DCHS2: variants seen among roughly 807,000 people sequenced by gnomAD.
The protein encoded by DCHS2 is dachsous cadherin-related 2, also known as protocadherin-23.
In DCHS2, 142 loss-of-function variants were observed where a neutral mutation model predicts 182.4. The ratio of observed to expected loss-of-function variants is 0.78; its 90% CI spans 0.68 to 0.89. The LOEUF is 0.89. Among genes scored for constraint, DCHS2 ranks in the 40% least tolerant of loss-of-function variants. The pLI, the probability that DCHS2 is intolerant of heterozygous loss-of-function variation, is 0.00. For missense variants in DCHS2, 4,319 were observed against 4,198.6 expected, an observed-to-expected ratio of 1.03 and a Z score of -0.79; for synonymous variants, 1,740 against 1,663.3, an observed-to-expected ratio of 1.05 and a Z score of -1.12.
At chr4:154,280,295 A>T (rs1388401360) in intron 13 of DCHS2, among the ~76,000 whole-genome samples, 1 of 152,130 alleles carries the variant, frequency 6.6e-6, no homozygotes, top group Non-Finnish European at 1.5e-5. Flanking sequence ...TCTAAGAAAC[A>T]TTTAAAAAAT....
chr4:154,295,546 A>G (rs1734883817), intron 13 of DCHS2, among the ~76,000 whole-genome samples: 1 of 152,194 alleles, frequency 6.6e-6, no homozygotes, highest in Non-Finnish European at 1.5e-5. Flanking sequence ...AAAAAGACAT[A>G]CCGTAGGCCC....
rs778287596 is a variant in DCHS2, at chr4:154,255,573, C to T, written c.6887G>A (p.Ser2296Asn). The part of the protein sequence containing the change: ...QEEAFQIDAL[S>N]GVITTKAILD... ...AATCGCTTTTGTTGTTATCACACCACTCAGTGCATCAATCTGGAATGCTTC... is the reference window on the plus strand; with the variant it reads ...AATCGCTTTTGTTGTTATCACACCATTCAGTGCATCAATCTGGAATGCTTC... The change falls in exon 16 of 20, where the codon AGT becomes AAT. Residue 2296 changes from serine to asparagine, a missense_variant. Transcript: ENST00000357232. The T allele has an allele frequency of 6.2e-7, 1 of 1,614,040 alleles. No homozygotes were observed. Among genetic ancestry groups the T allele is most frequent in the Non-Finnish European group, 8.5e-7 (1 of 1,179,956 alleles).
chr4:154,260,755 T>C (rs1293146006), intron 14 of DCHS2, among the ~76,000 whole-genome samples: 4 of 152,164 alleles, frequency 2.6e-5, no homozygotes. Context: ...TGTCCTATTA[T>C]TCCTCTTGTT....
intron 19 of DCHS2, among the ~76,000 whole-genome samples, chr4:154,238,575 A>G (rs1046791500): frequency 6.6e-5 from 10 of 152,236 alleles, no homozygotes; most frequent in African/African-American, 2.2e-4. Context: ...CACTTGCCTG[A>G]AGGCATTTCA....
At chr4:154,456,580 C>T (rs534408333) in intron 1 of DCHS2, among the ~76,000 whole-genome samples, 12 of 152,200 alleles carry the variant, frequency 7.9e-5, no homozygotes, top group African/African-American at 2.6e-4. Context: ...AGAATATATA[C>T]AATTTTATTA....
chr4:154,383,597 C>G (rs913042134), intron 1 of DCHS2, among the ~76,000 whole-genome samples: 1 of 152,156 alleles, frequency 6.6e-6, no homozygotes, highest in Non-Finnish European at 1.5e-5. Context: ...ATTGAAATCA[C>G]TGGCCCTTGA....
intron 5 of DCHS2, among the ~76,000 whole-genome samples, chr4:154,330,957 G>A (rs1290842066): frequency 2.0e-5 from 3 of 152,074 alleles, no homozygotes; most frequent in African/African-American, 4.8e-5. Flanking sequence ...CTTGGAGGTC[G>A]GGGATGTAAA....
chr4:154,276,641 A>G (rs1733865999), intron 13 of DCHS2, among the ~76,000 whole-genome samples: 1 of 152,218 alleles, frequency 6.6e-6, no homozygotes. Context: ...GTGTCCAACC[A>G]TTGAAACTAA....
intron 1 of DCHS2, among the ~76,000 whole-genome samples, chr4:154,398,744 C>G (rs1249233305): frequency 6.6e-6 from 1 of 152,160 alleles, no homozygotes; most frequent in Admixed American, 6.5e-5. Flanking sequence ...CCGGCCCTAA[C>G]CAATAAAGTC....
rs146800496 is a variant in DCHS2 at position 154,384,073 on chromosome 4, G to A, written c.2053-6629C>T. On this transcript the variant is annotated intron_variant, in intron 1 of 19. Coordinates refer to ENST00000357232, the MANE Select transcript of DCHS2 (RefSeq NM_001358235.2). Reference sequence around the variant, plus strand: ...AAGAAGAAAAAAATCATTAAATAACGTTTTACATTTGAAGCACTGGACAAC... The same window carrying A: ...AAGAAGAAAAAAATCATTAAATAACATTTTACATTTGAAGCACTGGACAAC... 1.9e-3 allele frequency among the ~76,000 whole-genome samples: 285 copies of A among 152,170 alleles called. 1 individual carries two copies. The highest frequency in any genetic ancestry group is 0.014 in the Middle Eastern group (4 of 294).
chr4:154,237,964 C>T (rs1413792144), intron 19 of DCHS2, among the ~76,000 whole-genome samples: 1 of 152,134 alleles, frequency 6.6e-6, no homozygotes, highest in Non-Finnish European at 1.5e-5. Flanking sequence ...ATGTTTTAAA[C>T]ATTTAATGTT....
chr4:154,303,076 A>G (rs1157412700), intron 12 of DCHS2, among the ~76,000 whole-genome samples: 1 of 150,496 alleles, frequency 6.6e-6, no homozygotes, highest in East Asian at 2.0e-4. Flanking sequence ...CTGCCTCCTA[A>G]GTTCAAGTGA....
Position 154,298,655 on chromosome 4 carries a change from T to C in DCHS2, c.5659A>G (p.Thr1887Ala), listed in dbSNP as rs1735070829. ...TINEMSGELS[T>A]TRALDREQIS... ...TGCTCCCGGTCCAAAGCACGAGTGG[T>C]TGAGAGTTCTCCTGACATCTCATTT... Residue 1887 changes from threonine (T) to alanine (A), a missense_variant, in exon 13 of 20, where the codon ACC becomes GCC. Transcript: ENST00000357232. 1 of 1,612,792 alleles carries C rather than the reference T, an allele frequency of 6.2e-7. No individual in the cohort carries two copies. Among genetic ancestry groups the C allele is most frequent in the Admixed American group, 1.7e-5 (1 of 59,716 alleles).
chr4:154,402,012 T>C (rs1215445683), intron 1 of DCHS2, among the ~76,000 whole-genome samples: 1 of 152,236 alleles, frequency 6.6e-6, no homozygotes, highest in Non-Finnish European at 1.5e-5. Flanking sequence ...TGCTGTGTTG[T>C]CTTCTAGAAG....
chr4:154,473,322 G>A (rs1006783174), intron 1 of DCHS2, among the ~76,000 whole-genome samples: 1 of 152,168 alleles, frequency 6.6e-6, no homozygotes, highest in South Asian at 2.1e-4. Flanking sequence ...TGATCATTCC[G>A]TTAAACTAAG....
Position 154,298,906 on chromosome 4 carries a change from G to A in DCHS2, c.5606-198C>T. On this transcript the variant is annotated intron_variant, in intron 12 of 19. Transcript: ENST00000357232. ...TCTGCCCTCATGAAACTTCTATTGA[G>A]GGGATAAACAGAATAATATGATTCA... 6.4e-6 allele frequency: 4 copies of A among 628,672 alleles called. No homozygotes were observed. In the East Asian group the frequency reaches 9.5e-5, roughly 15 times the overall value. 38.9% of individuals were successfully genotyped at this position (628,672 alleles called of 1,614,324 possible).
In DCHS2 at chr4:154,476,874, T is replaced by C. The variant is rs542964054; in HGVS notation, c.2052+12430A>G. On this transcript the variant is annotated intron_variant, in intron 1 of 19. Transcript: ENST00000357232. ...ATATTATCTTTAGGTGTTTATAAGA[T>C]GGGAACTTAACTAACAGTGGGCAAG... Among the ~76,000 whole-genome samples the C allele has an allele frequency of 3.9e-5, 6 of 152,286 alleles. No homozygotes were observed. In the East Asian group the frequency reaches 1.2e-3, roughly 29 times the overall value.
intron 3 of DCHS2, among the ~76,000 whole-genome samples, chr4:154,341,911 T>G (rs956149589): frequency 1.2e-4 from 18 of 151,922 alleles, no homozygotes; most frequent in Non-Finnish European, 2.2e-4. Flanking sequence ...TTAGTCTTTT[T>G]AATTTTATTT....
In DCHS2 at chr4:154,438,861, G is replaced by A. The variant is rs544489925; in HGVS notation, c.2052+50443C>T. On this transcript the variant is annotated intron_variant, in intron 1 of 19. Coordinates refer to ENST00000357232, the MANE Select transcript of DCHS2 (RefSeq NM_001358235.2). The stretch of plus-strand genomic sequence containing the variant: ...CAGAAGAGTAAAACCAAACACTCTG[G>A]TCATTAATCCTACAAACCCTCACTC... Among the ~76,000 whole-genome samples the A allele has an allele frequency of 3.9e-5, 6 of 152,234 alleles. No homozygotes were observed. In the South Asian group the frequency reaches 1.2e-3, roughly 32 times the overall value.
Sources: allele counts gnomAD v4.1 joint callset (sites outside exome capture counted in the v4.1 genomes callset), GRCh38; gene constraint gnomAD v4.1.1; transcripts MANE v1.5; gene names NCBI Gene and HGNC (gene_info 2026-07-23, HGNC 2026-07-21).